SPRED2: variants seen among roughly 807,000 people sequenced by gnomAD.
The protein encoded by SPRED2 is sprouty related EVH1 domain containing 2.
A neutral mutation model predicts 43.0 loss-of-function variants in SPRED2; 47 were observed. That is an observed-to-expected ratio of 1.09 (90% CI 0.87 to 1.40). The LOEUF (loss-of-function observed/expected upper bound fraction) is 1.40. Among genes scored for constraint, SPRED2 ranks in the 40% most tolerant of loss-of-function variants. The pLI, the probability that SPRED2 is intolerant of heterozygous loss-of-function variation, is 0.00. For synonymous variants in SPRED2, 225 were observed against 225.7 expected (o/e 1.00, Z 0.03); for missense variants, 561 against 586.4 (o/e 0.96, Z 0.45).
chr2:65,363,936 C>T (rs1259244479), intron 1 of SPRED2, among the ~76,000 whole-genome samples: 6 of 152,168 alleles, frequency 3.9e-5, no homozygotes, highest in Non-Finnish European at 8.8e-5. Flanking sequence ...ATCTTGGACA[C>T]TCTTAACCTT....
At position 65,316,848 on chromosome 2, in the gene SPRED2, CT is replaced by C. The variant is rs1673254658; in HGVS notation, c.473del (p.Lys158ArgfsTer48). The C allele has an allele frequency of 6.2e-7, 1 of 1,613,802 alleles. No individual in the cohort carries two copies. Among genetic ancestry groups the C allele is most frequent in the Non-Finnish European group, 8.5e-7 (1 of 1,179,988 alleles). On this transcript the variant is annotated frameshift_variant, in exon 5 of 6. Transcript: ENST00000356388. LOFTEE classifies it high-confidence loss of function. ...AGATTGTCCGAGTAGGTTGCTCTCT[CT>C]TCTGAGAGGAATTAGAAGAACTGTC... ...ATDSSSNSSQ[K>X]REQPTRTISS...
At chr2:65,425,476 C>G (rs1420842815) in intron 1 of SPRED2, among the ~76,000 whole-genome samples, 1 of 152,126 alleles carries the variant, frequency 6.6e-6, no homozygotes, top group African/African-American at 2.4e-5. Context: ...TGCAATATGC[C>G]ACATGTGAAC....
At chr2:65,323,065 G>C (rs1423484953) in intron 4 of SPRED2, among the ~76,000 whole-genome samples, 1 of 152,184 alleles carries the variant, frequency 6.6e-6, no homozygotes, top group African/African-American at 2.4e-5. Context: ...CACAATTTTG[G>C]CTCACCGCAA....
At chr2:65,401,631 T>TA (rs1015518905) in intron 1 of SPRED2, among the ~76,000 whole-genome samples, 10 of 150,762 alleles carry the variant, frequency 6.6e-5, no homozygotes, top group Non-Finnish European at 8.9e-5. Flanking sequence ...CCGTCTCTAC[T>TA]AAAAAAATAC....
rs1043795947 is a variant in SPRED2, at chr2:65,425,726, C to G, written c.26+6236G>C. ...TTCTACTTCAAAGTCACTAAGAGCC[C>G]TAGAAAATGCCTTAAAAGCACCATC... On this transcript the variant is annotated intron_variant, in intron 1 of 5. Coordinates refer to ENST00000356388, the MANE Select transcript of SPRED2 (RefSeq NM_181784.3). Among the ~76,000 whole-genome samples the G allele has an allele frequency of 2.0e-5, 3 of 152,246 alleles. No homozygotes were observed. In the South Asian group the frequency reaches 6.2e-4, roughly 32 times the overall value.
intron 1 of SPRED2, among the ~76,000 whole-genome samples, chr2:65,355,579 A>G (rs1674625505): frequency 6.6e-6 from 1 of 152,166 alleles, no homozygotes; most frequent in East Asian, 1.9e-4. Flanking sequence ...GTAGCCGGGC[A>G]TGGTGGTGGA....
Position 65,346,448 on chromosome 2 carries a change from T to A in SPRED2, c.27-1552A>T, listed in dbSNP as rs762476925. On this transcript the variant is annotated intron_variant, in intron 1 of 5. Coordinates refer to ENST00000356388, the MANE Select transcript of SPRED2 (RefSeq NM_181784.3). ...CACTGTTGGGCAACCATCACCCCTT[T>A]CTACCTCTAGAACTTTTCGTCATTC... 4.6e-4 allele frequency among the ~76,000 whole-genome samples: 70 copies of A among 152,220 alleles called. 1 individual carries two copies. The highest frequency in any genetic ancestry group is 6.8e-3 in the Middle Eastern group (2 of 294).
chr2:65,408,652 C>T (rs973389203), intron 1 of SPRED2, among the ~76,000 whole-genome samples: 5 of 151,670 alleles, frequency 3.3e-5, no homozygotes, highest in Admixed American at 6.6e-5. Flanking sequence ...TGCAGTGGCG[C>T]GATCTGCAAC....
At chr2:65,359,333 T>C (rs1674741373) in intron 1 of SPRED2, among the ~76,000 whole-genome samples, 1 of 152,248 alleles carries the variant, frequency 6.6e-6, no homozygotes, top group Non-Finnish European at 1.5e-5. Context: ...GCCAACTAGC[T>C]ACCAAGCTTC....
chr2:65,343,563 T>G (rs1240997285), intron 2 of SPRED2, among the ~76,000 whole-genome samples: 1 of 152,222 alleles, frequency 6.6e-6, no homozygotes, highest in African/African-American at 2.4e-5. Flanking sequence ...CTTTGCATTT[T>G]CTCTGTGGGA....
chr2:65,416,550 A>G (rs1676279059), intron 1 of SPRED2, among the ~76,000 whole-genome samples: 1 of 152,122 alleles, frequency 6.6e-6, no homozygotes, highest in South Asian at 2.1e-4. Flanking sequence ...TGCCCAGCTG[A>G]TGGGGATTAA....
intron 1 of SPRED2, among the ~76,000 whole-genome samples, chr2:65,345,800 C>T (rs1018002858): frequency 1.3e-5 from 2 of 152,140 alleles, no homozygotes; most frequent in African/African-American, 4.8e-5. Context: ...CAGTCTAAAA[C>T]CTCAATTTCA....
intron 3 of SPRED2, chr2:65,334,232 G>A (rs145045412): frequency 1.1e-5 from 5 of 473,274 alleles, no homozygotes; most frequent in African/African-American, 9.9e-5. Flanking sequence ...TAGGCCAGGA[G>A]CCTTCTGGGC....
chr2:65,316,147 T>C (rs1261945722), intron 5 of SPRED2, among the ~76,000 whole-genome samples: 1 of 152,248 alleles, frequency 6.6e-6, no homozygotes, highest in East Asian at 1.9e-4. Context: ...CACCAGTCCA[T>C]GCCCCATGAT....
chr2:65,343,047 GC>G (rs1354490032), intron 2 of SPRED2, among the ~76,000 whole-genome samples: 1 of 152,074 alleles, frequency 6.6e-6, no homozygotes, highest in African/African-American at 2.4e-5. Flanking sequence ...CTGGTTCCAG[GC>G]CCCCAAAACA....
intron 4 of SPRED2, among the ~76,000 whole-genome samples, chr2:65,322,229 CCTCTCTCTCTCTCTCTCTCTCT>C (rs71905140): frequency 4.9e-5 from 3 of 61,294 alleles, no homozygotes; most frequent in South Asian, 8.9e-4. Context: ...GGTCTCCTTT[CCTCTCTCTCTCTCTCTCTCTCT>C]CTCTCTCTCT....
At chr2:65,396,619 G>GTCCT (rs1675763888) in intron 1 of SPRED2, among the ~76,000 whole-genome samples, 1 of 152,216 alleles carries the variant, frequency 6.6e-6, no homozygotes, top group Admixed American at 6.5e-5. Flanking sequence ...CTGAGCAACA[G>GTCCT]GACAGAGATG....
In SPRED2 at chr2:65,312,351, G is replaced by A. The variant is rs1673092621; in HGVS notation, c.*1150C>T. ...GGTGATGTGAAATTGAGTCCAAAAT[G>A]AAACGAAAACATAAACCCATGAAGA... is the stretch of plus-strand genomic sequence containing the variant. On this transcript the variant is annotated 3_prime_UTR_variant, in exon 6 of 6. Transcript: ENST00000356388. 1 of 985,350 alleles carries A rather than the reference G, an allele frequency of 1.0e-6. No individual in the cohort carries two copies. The highest frequency in any genetic ancestry group is 1.2e-6 in the Non-Finnish European group (1 of 829,908). The allele number at this position is 985,350 out of a possible 1,614,324, so 61.0% of individuals were successfully genotyped here.
intron 1 of SPRED2, among the ~76,000 whole-genome samples, chr2:65,414,949 T>G (rs1434916820): frequency 6.6e-6 from 1 of 152,172 alleles, no homozygotes; most frequent in East Asian, 1.9e-4. Context: ...GTTGACTCTA[T>G]CCCGTTTAAA....
Sources: gnomAD v4.1 joint callset for allele counts (sites outside exome capture counted in the v4.1 genomes callset) on GRCh38, gnomAD v4.1.1 for gene constraint, MANE v1.5 for transcripts, NCBI Gene and HGNC (gene_info 2026-07-23, HGNC 2026-07-21) for gene names.